KDM4B: variants seen among roughly 807,000 people sequenced by gnomAD.
KDM4B encodes lysine demethylase 4B, also known as lysine-specific demethylase 4B.
KDM4B carries 32 observed loss-of-function variants against 125.2 expected under a neutral mutation model. That is an observed-to-expected ratio of 0.26 (90% CI 0.19 to 0.34). The LOEUF (loss-of-function observed/expected upper bound fraction) is 0.34, where lower values mean the gene tolerates loss of function less well. KDM4B is among the 10% of genes least tolerant of loss of function. The pLI is 1.00. For missense variants in KDM4B, 1,190 were observed against 1,577.7 expected (o/e 0.75, Z 4.16); for synonymous variants, 721 against 677.9 (o/e 1.06, Z -0.99).
chr19:5,056,405 CTTT>C (rs941745686), intron 6 of KDM4B, among the ~76,000 whole-genome samples: 1 of 136,278 alleles, frequency 7.3e-6, no homozygotes. Context: ...CCCTTTCTTT[CTTT>C]TTTTTTTTTT....
chr19:5,137,731 T>G (rs2039674637), intron 17 of KDM4B, 55 bp downstream of exon 17: 1 of 1,483,918 alleles, frequency 6.7e-7, no homozygotes, highest in Non-Finnish European at 9.1e-7. Flanking sequence ...TGCCCTGGGC[T>G]GAGGCTCTGC....
In KDM4B at chr19:5,144,229, A is replaced by G. The variant is rs1568325428; in HGVS notation, c.2737-19A>G. ...GACACCCGCGCTGACCGCCCCCCACACCCTCCGCACCCTCCCAGGTCCAAC... is the reference window on the plus strand; with the variant it reads ...GACACCCGCGCTGACCGCCCCCCACGCCCTCCGCACCCTCCCAGGTCCAAC... On this transcript the variant is annotated intron_variant, in intron 19 of 22. Coordinates refer to ENST00000159111, the MANE Select transcript of KDM4B (RefSeq NM_015015.3). 2 of 1,557,966 alleles carry G rather than the reference A, an allele frequency of 1.3e-6. No homozygotes were observed. Among genetic ancestry groups the G allele is most frequent in the Admixed American group, 1.8e-5 (1 of 56,304 alleles).
At chr19:5,143,832 C>T (rs1009334874) in intron 18 of KDM4B, 135 bp from the exon 19 acceptor site, 1 of 703,170 alleles carries the variant, frequency 1.4e-6, no homozygotes, top group Non-Finnish European at 2.3e-6. Context: ...TGGAGGGGAA[C>T]CCTCACTGGG....
At chr19:4,993,301 C>T (rs968616895) in intron 1 of KDM4B, among the ~76,000 whole-genome samples, 6 of 151,778 alleles carry the variant, frequency 4.0e-5, no homozygotes, top group African/African-American at 1.2e-4. Context: ...TCCAGCTACT[C>T]GGGAGGCTGA....
At chr19:4,974,818 C>A (rs926478093) in intron 1 of KDM4B, among the ~76,000 whole-genome samples, 1 of 151,944 alleles carries the variant, frequency 6.6e-6, no homozygotes, top group African/African-American at 2.4e-5. Flanking sequence ...CTGCTCAGAA[C>A]CTTCCGGTGA....
intron 10 of KDM4B, among the ~76,000 whole-genome samples, chr19:5,116,593 A>T (rs1199492256): frequency 6.6e-6 from 1 of 152,002 alleles, no homozygotes; most frequent in Admixed American, 6.6e-5. Context: ...AGGAACCAAG[A>T]CCCCCAGGGG....
rs1301147173 is a variant in KDM4B at position 5,024,426 on chromosome 19, A to T, written c.-26+8087A>T. Among the ~76,000 whole-genome samples, 9 of 152,196 alleles carry T rather than the reference A, an allele frequency of 5.9e-5. No homozygotes were observed. In the East Asian group the frequency reaches 1.6e-3, roughly 26 times the overall value. Reference sequence around the variant, plus strand: ...TATCCTTGGGCCCAGTGTGTCAGCGATCAGGAGAGCAGCCCAGGCTGGAGC... The same window carrying T: ...TATCCTTGGGCCCAGTGTGTCAGCGTTCAGGAGAGCAGCCCAGGCTGGAGC... On this transcript the variant is annotated intron_variant, in intron 2 of 22. Transcript: ENST00000159111.
At chr19:5,086,628 G>A (rs1199754703) in intron 9 of KDM4B, among the ~76,000 whole-genome samples, 1 of 151,508 alleles carries the variant, frequency 6.6e-6, no homozygotes, top group African/African-American at 2.4e-5. Flanking sequence ...TGCACAGCTC[G>A]CAGGACAGCC....
At chr19:5,034,539 C>G (rs1449570467) in intron 3 of KDM4B, among the ~76,000 whole-genome samples, 1 of 152,148 alleles carries the variant, frequency 6.6e-6, no homozygotes, top group African/African-American at 2.4e-5. Context: ...AAAATGAAAA[C>G]AAACAAACAA....
chr19:5,107,354 C>T (rs547494605), intron 9 of KDM4B, among the ~76,000 whole-genome samples: 19 of 152,320 alleles, frequency 1.2e-4, no homozygotes, highest in African/African-American at 2.6e-4. Flanking sequence ...CCTTATCTGT[C>T]GCGAGTGCTG....
At chr19:5,033,305 G>GT (rs2036517528) in intron 3 of KDM4B, among the ~76,000 whole-genome samples, 2 of 152,266 alleles carry the variant, frequency 1.3e-5, no homozygotes, top group African/African-American at 4.8e-5. Context: ...CCACACTGCA[G>GT]TGAAGCCCAG....
intron 1 of KDM4B, among the ~76,000 whole-genome samples, chr19:5,003,069 G>T (rs1261144745): frequency 2.0e-5 from 3 of 152,170 alleles, no homozygotes; most frequent in Admixed American, 6.5e-5. Context: ...TCTGGCTCTC[G>T]TATGATTCCT....
chr19:5,006,389 C>T, intron 1 of KDM4B, among the ~76,000 whole-genome samples: 1 of 152,106 alleles, frequency 6.6e-6, no homozygotes, highest in East Asian at 1.9e-4. Context: ...CTCCAGGCCC[C>T]TCCGCCGCAT....
At chr19:5,106,265 TGC>T (rs1175472437) in intron 9 of KDM4B, among the ~76,000 whole-genome samples, 2 of 152,122 alleles carry the variant, frequency 1.3e-5, no homozygotes. Context: ...TGTGTGTGTG[TGC>T]GCGCGCGTGC....
chr19:4,977,934 G>A (rs898682266), intron 1 of KDM4B, among the ~76,000 whole-genome samples: 6 of 152,176 alleles, frequency 3.9e-5, no homozygotes, highest in East Asian at 1.9e-4. Context: ...GGACAGTCGC[G>A]TCATGTTGCT....
Position 5,035,206 on chromosome 19 carries a change from ATAGGGC to A in KDM4B, c.141+2176_141+2181del, listed in dbSNP as rs2036579732. On this transcript the variant is annotated intron_variant, in intron 3 of 22. Coordinates refer to ENST00000159111, the MANE Select transcript of KDM4B (RefSeq NM_015015.3). The surrounding 1 kb of genome is among the most constrained non-coding windows in gnomAD (Gnocchi z 5.3). ...CCTCTTCCTCCTCTCCCTGGTGCACATAGGGCAGGTGGGACAGGCGTCGCCTCCCTT... is the reference window on the plus strand; with the variant it reads ...CCTCTTCCTCCTCTCCCTGGTGCACAAGGTGGGACAGGCGTCGCCTCCCTT... Among the ~76,000 whole-genome samples, 1 of 152,134 alleles carries A rather than the reference ATAGGGC, an allele frequency of 6.6e-6. No homozygotes were observed. Among genetic ancestry groups the A allele is most frequent in the Non-Finnish European group, 1.5e-5 (1 of 68,012 alleles).
chr19:5,132,767 T>G (rs2039581521), intron 13 of KDM4B, among the ~76,000 whole-genome samples: 1 of 152,128 alleles, frequency 6.6e-6, no homozygotes, highest in African/African-American at 2.4e-5. Context: ...CCGGAGCATT[T>G]GCCTGTGAGA....
intron 9 of KDM4B, among the ~76,000 whole-genome samples, chr19:5,103,171 G>A (rs868852771): frequency 2.2e-4 from 34 of 152,220 alleles, no homozygotes; most frequent in African/African-American, 7.5e-4. Context: ...TGCAGGCACC[G>A]GGCAGCCCTG....
rs535052982 is a variant in KDM4B at position 5,026,856 on chromosome 19, TCCCCATA to T, written c.-25-6009_-25-6003del. On this transcript the variant is annotated intron_variant, in intron 2 of 22. Transcript: ENST00000159111. ...ATCCCTCCCTACCCCTGCCCTGGTG[TCCCCATA>T]GGAGCTGACTGCCGCCCCCTTTCTG... 1.7e-3 allele frequency among the ~76,000 whole-genome samples: 256 copies of T among 152,334 alleles called. 3 individuals carry two copies. The highest frequency in any genetic ancestry group is 5.7e-3 in the African/African-American group (237 of 41,570).
Sources: gnomAD v4.1 joint callset for allele counts (sites outside exome capture counted in the v4.1 genomes callset) on GRCh38, gnomAD v4.1.1 for gene constraint, Gnocchi (gnomAD v3.1) non-coding constraint, MANE v1.5 for transcripts, NCBI Gene and HGNC (gene_info 2026-07-23, HGNC 2026-07-21) for gene names.